The following IMMP2L variants were observed in gnomAD, a reference collection of about 807,000 sequenced individuals.
IMMP2L encodes inner mitochondrial membrane peptidase subunit 2, also known as mitochondrial inner membrane protease subunit 2.
In IMMP2L, 18 loss-of-function variants were observed where a neutral mutation model predicts 19.3. The ratio of observed to expected loss-of-function variants is 0.93; its 90% confidence interval spans 0.64 to 1.38. The LOEUF is 1.38. Among genes scored for constraint, IMMP2L ranks in the 40% most tolerant of loss-of-function variants. IMMP2L has a pLI of 0.00. For synonymous variants in IMMP2L, 76 were observed against 73.0 expected (o/e 1.04, Z -0.21); for missense variants, 233 against 218.2 (o/e 1.07, Z -0.43).
At chr7:111,561,128 TA>T (rs1009014827) in intron 1 of IMMP2L, among the ~76,000 whole-genome samples, 18 of 152,212 alleles carry the variant, frequency 1.2e-4, no homozygotes, top group Admixed American at 1.1e-3. Context: ...AGCAGTGTAT[TA>T]AAGAAGTGAT....
intron 1 of IMMP2L, among the ~76,000 whole-genome samples, chr7:111,559,190 C>A (rs149625103): frequency 3.2e-4 from 49 of 152,202 alleles, no homozygotes; most frequent in African/African-American, 1.0e-3. Context: ...TAAAGTGAAA[C>A]CAGATGTCTG....
chr7:110,835,919 C>G (rs1006385907), intron 5 of IMMP2L, among the ~76,000 whole-genome samples: 2 of 152,108 alleles, frequency 1.3e-5, no homozygotes, highest in African/African-American at 2.4e-5. Context: ...CTTTGCAGAG[C>G]ATGGCATATG....
chr7:111,532,330 AATGGTACAAGGGTCTT>A (rs1847469401), intron 1 of IMMP2L, among the ~76,000 whole-genome samples: 1 of 152,084 alleles, frequency 6.6e-6, no homozygotes, highest in Non-Finnish European at 1.5e-5. Context: ...CTTATTTTAG[AATGGTACAAGGGTCTT>A]ATTAGGGCTC....
chr7:110,744,553 T>C (rs532223428), intron 5 of IMMP2L, among the ~76,000 whole-genome samples: 3 of 152,292 alleles, frequency 2.0e-5, no homozygotes, highest in East Asian at 1.9e-4. Context: ...GAGGATAGAA[T>C]AGGCAGCAAT....
In IMMP2L at chr7:111,358,569, T is replaced by A. The variant is rs184646423; in HGVS notation, c.239+128669A>T. Among the ~76,000 whole-genome samples the A allele has an allele frequency of 1.2e-4, 19 of 152,234 alleles. No homozygotes were observed. The East Asian group carries it at 3.7e-3, about 29-fold the overall frequency. On this transcript the variant is annotated intron_variant, in intron 3 of 5. Transcript: ENST00000405709. ...TCCACACCAGGCAGCAAAGCAAGAA[T>A]AATCAAGATTGACATATTTCAACAC...
intron 3 of IMMP2L, among the ~76,000 whole-genome samples, chr7:111,086,125 A>G (rs1018779417): frequency 3.3e-5 from 5 of 152,056 alleles, no homozygotes; most frequent in African/African-American, 4.8e-5. Flanking sequence ...TTAAAATAAA[A>G]GTATTTAAAA....
chr7:111,016,965 G>T (rs1259414467), intron 3 of IMMP2L, among the ~76,000 whole-genome samples: 1 of 112,758 alleles, frequency 8.9e-6, no homozygotes, highest in African/African-American at 3.5e-5. Context: ...ATAATTATAT[G>T]TATAATTATA....
At chr7:111,208,125 C>T (rs1352454889) in intron 3 of IMMP2L, among the ~76,000 whole-genome samples, 10 of 152,126 alleles carry the variant, frequency 6.6e-5, no homozygotes, top group South Asian at 2.1e-4. Context: ...TCTACTATAC[C>T]GTTTATATAT....
At chr7:110,798,520 G>T (rs1317078523) in intron 5 of IMMP2L, among the ~76,000 whole-genome samples, 2 of 151,886 alleles carry the variant, frequency 1.3e-5, no homozygotes, top group African/African-American at 4.8e-5. Context: ...AACAAATGAA[G>T]GAGAGAATCT....
chr7:111,424,939 A>C (rs1835922587), intron 3 of IMMP2L, among the ~76,000 whole-genome samples: 1 of 151,772 alleles, frequency 6.6e-6, no homozygotes, highest in Non-Finnish European at 1.5e-5. Context: ...TATAGCAATT[A>C]TATGGCATAA....
At chr7:111,193,652 G>A (rs1458115960) in intron 3 of IMMP2L, among the ~76,000 whole-genome samples, 2 of 152,134 alleles carry the variant, frequency 1.3e-5, no homozygotes, top group Non-Finnish European at 2.9e-5. Context: ...ATGCTGACCA[G>A]AGAGAACAGA....
At chr7:111,350,422 A>C (rs1247125521) in intron 3 of IMMP2L, among the ~76,000 whole-genome samples, 1 of 151,890 alleles carries the variant, frequency 6.6e-6, no homozygotes, top group Non-Finnish European at 1.5e-5. Context: ...ATAAATTGTT[A>C]GGCTATGAAC....
At chr7:110,704,263 T>A (rs1794491540) in intron 5 of IMMP2L, among the ~76,000 whole-genome samples, 1 of 152,182 alleles carries the variant, frequency 6.6e-6, no homozygotes, top group African/African-American at 2.4e-5. Context: ...AATGTGTGAA[T>A]AACAACCTCC....
chr7:111,223,806 G>C (rs930593130), intron 3 of IMMP2L, among the ~76,000 whole-genome samples: 1 of 152,094 alleles, frequency 6.6e-6, no homozygotes, highest in African/African-American at 2.4e-5. Context: ...GGTTACAACA[G>C]AATTGTGAGC....
chr7:110,668,557 T>C (rs751934698), intron 5 of IMMP2L, among the ~76,000 whole-genome samples: 24 of 152,242 alleles, frequency 1.6e-4, no homozygotes, highest in Admixed American at 2.6e-4. Flanking sequence ...TTGCTTAGCT[T>C]TGGACTCAGT....
chr7:111,416,610 C>T (rs549341595), intron 3 of IMMP2L, among the ~76,000 whole-genome samples: 1 of 151,910 alleles, frequency 6.6e-6, no homozygotes, highest in South Asian at 2.1e-4. Flanking sequence ...TTTGAAAACA[C>T]ATATTTTAGC....
intron 3 of IMMP2L, among the ~76,000 whole-genome samples, chr7:111,287,754 G>T (rs1036737072): frequency 3.9e-5 from 6 of 152,048 alleles, no homozygotes; most frequent in Non-Finnish European, 8.8e-5. Context: ...TAATTACAGA[G>T]AACTAGAAAT....
intron 3 of IMMP2L, chr7:111,483,501 TAAATA>T (rs1195472595): frequency 6.6e-6 from 1 of 152,158 alleles, no homozygotes; most frequent in Non-Finnish European, 1.5e-5. Flanking sequence ...ATAATGTTAT[TAAATA>T]AATGTAGCTA....
At chr7:110,951,632 G>A (rs1817844802) in intron 4 of IMMP2L, among the ~76,000 whole-genome samples, 1 of 151,734 alleles carries the variant, frequency 6.6e-6, no homozygotes, top group African/African-American at 2.4e-5. Flanking sequence ...AAAATAGAGA[G>A]ATACAAATAC....
Sources: allele counts gnomAD v4.1 joint callset (sites outside exome capture counted in the v4.1 genomes callset), GRCh38; gene constraint gnomAD v4.1.1; transcripts MANE v1.5; gene names NCBI Gene and HGNC (gene_info 2026-07-23, HGNC 2026-07-21).